The following ZBTB40 variants were observed in gnomAD, a reference collection of about 807,000 sequenced individuals.
ZBTB40 encodes zinc finger and BTB domain-containing protein 40.
A neutral mutation model predicts 117.5 loss-of-function variants in ZBTB40; 60 were observed. The ratio of observed to expected loss-of-function variants is 0.51; its 90% CI spans 0.41 to 0.63. ZBTB40 has a LOEUF of 0.63. ZBTB40 is among the 30% of genes least tolerant of loss of function. ZBTB40 has a pLI of 0.00. For synonymous variants in ZBTB40, 525 were observed against 577.1 expected, an observed-to-expected ratio of 0.91 and a Z score of 1.29; for missense variants, 1,287 against 1,498.5, an observed-to-expected ratio of 0.86 and a Z score of 2.33.
At chr1:22,507,962 G>C (rs761812106) in intron 6 of ZBTB40, 39 bp from the exon 7 acceptor site, 1 of 1,614,018 alleles carries the variant, frequency 6.2e-7, no homozygotes, top group Non-Finnish European at 8.5e-7. Context: ...AGGAGGTTTT[G>C]TTGCATCAAA....
chr1:22,464,061 T>G (rs925669452), intron 1 of ZBTB40, among the ~76,000 whole-genome samples: 2 of 152,246 alleles, frequency 1.3e-5, no homozygotes, highest in Admixed American at 1.3e-4. Flanking sequence ...AGCTAGCAGC[T>G]AATTATTGAG....
At chr1:22,498,927 T>G (rs1638852347) in intron 3 of ZBTB40, among the ~76,000 whole-genome samples, 1 of 152,218 alleles carries the variant, frequency 6.6e-6, no homozygotes, top group Non-Finnish European at 1.5e-5. Flanking sequence ...AGCAAGTGGC[T>G]CTGTATTAGT....
At chr1:22,502,521 T>G in intron 5 of ZBTB40, 80 bp downstream of exon 5, 1 of 1,581,406 alleles carries the variant, frequency 6.3e-7, no homozygotes, top group Non-Finnish European at 8.7e-7. Context: ...CATAGCACTT[T>G]ATACTTTGCA....
At chr1:22,511,556 C>T (rs1639234927) in intron 10 of ZBTB40, 120 bp from the exon 11 acceptor site, 1 of 1,270,810 alleles carries the variant, frequency 7.9e-7, no homozygotes, top group African/African-American at 1.5e-5. Context: ...GATATTACTT[C>T]AGAGTGTTTT....
chr1:22,519,598 A>G (rs1430397815), intron 13 of ZBTB40: 5 of 243,768 alleles, frequency 2.1e-5, no homozygotes, highest in Non-Finnish European at 4.0e-5. Flanking sequence ...TTATTGTTGA[A>G]TCTAAAGTGG....
chr1:22,449,576 C>G (rs1443067907), upstream of ZBTB40, among the ~76,000 whole-genome samples: 1 of 152,180 alleles, frequency 6.6e-6, no homozygotes, highest in African/African-American at 2.4e-5. Flanking sequence ...AGCCACTGAT[C>G]CACTGACTGT....
rs767844313 is a variant in ZBTB40, at chr1:22,520,056, A to G, written c.2834-5A>G. 6.2e-7 allele frequency: 1 copy of G among 1,614,088 alleles called. No individual in the cohort carries two copies. Among genetic ancestry groups the G allele is most frequent in the South Asian group, 1.1e-5 (1 of 91,078 alleles). On this transcript the variant is annotated splice_region_variant and splice_polypyrimidine_tract_variant and intron_variant, in intron 13 of 17. Coordinates refer to ENST00000375647, the MANE Select transcript of ZBTB40 (RefSeq NM_014870.4). Reference sequence around the variant, plus strand: ...CTTCCTCTCATGGATGTCCCGTGAAACTAGACATAGAAGATCCTTATGACT... The same window carrying G: ...CTTCCTCTCATGGATGTCCCGTGAAGCTAGACATAGAAGATCCTTATGACT...
chr1:22,486,758 C>T (rs908003944), intron 1 of ZBTB40, among the ~76,000 whole-genome samples: 5 of 151,986 alleles, frequency 3.3e-5, no homozygotes, highest in South Asian at 2.1e-4. Context: ...TTTTTTGAGA[C>T]GGAGTCTCCC....
At position 22,511,911 on chromosome 1, in the gene ZBTB40, T is replaced by C. The variant is rs1289140301; in HGVS notation, c.2238T>C (p.His746=). 6.2e-7 allele frequency: 1 copy of C among 1,614,186 alleles called. No homozygotes were observed. Among genetic ancestry groups the C allele is most frequent in the Non-Finnish European group, 8.5e-7 (1 of 1,180,022 alleles). ...FICKACDKSF[H]FYCRLKVHMK... ...GTAAGGCCTGCGACAAAAGCTTCCATTTCTACTGCCGCCTAAAGGTGCACA... is the reference window on the plus strand; with the variant it reads ...GTAAGGCCTGCGACAAAAGCTTCCACTTCTACTGCCGCCTAAAGGTGCACA... The change falls in exon 11 of 18, where the codon CAT becomes CAC. Residue 746 remains histidine, a synonymous_variant. Transcript: ENST00000375647.
intron 1 of ZBTB40, among the ~76,000 whole-genome samples, chr1:22,486,444 A>G (rs1258380274): frequency 6.6e-6 from 1 of 152,202 alleles, no homozygotes; most frequent in East Asian, 1.9e-4. Flanking sequence ...GGCCTTGTTA[A>G]AAACAGAGTG....
rs118033876 is a variant in ZBTB40, at chr1:22,485,380, C to T, written c.-69-4500C>T. 8.7e-4 allele frequency among the ~76,000 whole-genome samples: 133 copies of T among 152,188 alleles called. 1 individual carries two copies. The East Asian group carries it at 0.014, about 17-fold the overall frequency. On this transcript the variant is annotated intron_variant, in intron 1 of 17. Transcript: ENST00000375647. ...GTGTGTGAGTTTTGACAGATTGCAT[C>T]GTTCAAGGAATTGGATCATTTTATT...
At chr1:22,480,687 G>A (rs761940392) in intron 1 of ZBTB40, among the ~76,000 whole-genome samples, 1 of 152,098 alleles carries the variant, frequency 6.6e-6, no homozygotes, top group Non-Finnish European at 1.5e-5. Context: ...GTGAGTCCCT[G>A]TGTTTTTTCT....
intron 16 of ZBTB40, among the ~76,000 whole-genome samples, chr1:22,523,010 C>T (rs1769822): frequency 3.5e-5 from 5 of 141,310 alleles, no homozygotes; most frequent in Middle Eastern, 9.2e-3. Context: ...TGCAGTGGCG[C>T]GATCTCGGCT....
intron 3 of ZBTB40, among the ~76,000 whole-genome samples, chr1:22,495,882 C>G (rs1194709885): frequency 1.3e-5 from 2 of 152,232 alleles, no homozygotes; most frequent in Non-Finnish European, 2.9e-5. Flanking sequence ...AACACTGCCA[C>G]TTACTTGCTC....
intron 14 of ZBTB40, among the ~76,000 whole-genome samples, chr1:22,521,070 C>T (rs1028009728): frequency 1.3e-5 from 2 of 152,234 alleles, no homozygotes; most frequent in African/African-American, 4.8e-5. Context: ...GCCCCAGCTC[C>T]CTGGGAAGCC....
intron 1 of ZBTB40, among the ~76,000 whole-genome samples, chr1:22,442,503 C>T (rs542446737): frequency 1.3e-5 from 2 of 152,078 alleles, no homozygotes; most frequent in Non-Finnish European, 2.9e-5. Flanking sequence ...GGGAGAGAGA[C>T]CCTGGGGTTG....
intron 1 of ZBTB40, among the ~76,000 whole-genome samples, chr1:22,479,543 T>C (rs1480819220): frequency 6.6e-6 from 1 of 152,212 alleles, no homozygotes; most frequent in Non-Finnish European, 1.5e-5. Flanking sequence ...AGCCTAGTTG[T>C]CATTCTTTTG....
At chr1:22,475,026 G>A (rs1569805499) in intron 1 of ZBTB40, among the ~76,000 whole-genome samples, 2 of 151,794 alleles carry the variant, frequency 1.3e-5, no homozygotes, top group Admixed American at 6.5e-5. Context: ...TCTGCCCATA[G>A]GAGGGTGCAG....
chr1:22,449,465 C>T (rs182018809), upstream of ZBTB40, among the ~76,000 whole-genome samples: 26 of 152,316 alleles, frequency 1.7e-4, no homozygotes, highest in Non-Finnish European at 2.8e-4. Flanking sequence ...AGCCATTGCT[C>T]TCCATGACAG....
Sources: allele counts gnomAD v4.1 joint callset (sites outside exome capture counted in the v4.1 genomes callset), GRCh38; gene constraint gnomAD v4.1.1; transcripts MANE v1.5; gene names NCBI Gene and HGNC (gene_info 2026-07-23, HGNC 2026-07-21).